AGAP1: variants seen among roughly 807,000 people sequenced by gnomAD.
AGAP1 encodes the protein ArfGAP with GTPase domain, ankyrin repeat and PH domain 1, also known as arf-GAP with GTPase, ANK repeat and PH domain-containing protein 1.
AGAP1 carries 29 observed loss-of-function variants against 105.3 expected under a neutral mutation model. The ratio of observed to expected loss-of-function variants is 0.28; its 90% CI spans 0.21 to 0.38. The LOEUF is 0.38. Among genes scored for constraint, AGAP1 ranks in the 10% least tolerant of loss-of-function variants. AGAP1 has a pLI of 1.00. For missense variants in AGAP1, 998 were observed against 1,165.1 expected, an observed-to-expected ratio of 0.86 and a Z score of 2.09; for synonymous variants, 509 against 485.9, an observed-to-expected ratio of 1.05 and a Z score of -0.63.
At position 236,038,897 on chromosome 2, in the gene AGAP1, T is replaced by G. The variant is rs1168104953; in HGVS notation, c.1801-1854T>G. Among the ~76,000 whole-genome samples the G allele has an allele frequency of 6.6e-6, 1 of 152,064 alleles. No homozygotes were observed. The highest frequency in any genetic ancestry group is 1.5e-5 in the Non-Finnish European group (1 of 68,012). On this transcript the variant is annotated intron_variant, in intron 14 of 17. Coordinates refer to ENST00000304032, the MANE Select transcript of AGAP1 (RefSeq NM_001037131.3). The surrounding 1 kb of genome is among the most constrained non-coding windows in gnomAD (Gnocchi z 4.5). Reference sequence around the variant, plus strand: ...GCCAGTGTAAACTGTTTAAACATATTTTGAATACTTGGGTATCTAACCAAA... The same window carrying G: ...GCCAGTGTAAACTGTTTAAACATATGTTGAATACTTGGGTATCTAACCAAA...
At chr2:236,057,767 A>C (rs185777731) in intron 16 of AGAP1, among the ~76,000 whole-genome samples, 2 of 152,312 alleles carry the variant, frequency 1.3e-5, no homozygotes, top group African/African-American at 4.8e-5. Flanking sequence ...AAAACAGGGT[A>C]ATTCCTCATT....
chr2:235,959,101 G>A lies in AGAP1; in HGVS notation c.1484-9361G>A, dbSNP rs6754527. On this transcript the variant is annotated intron_variant, in intron 12 of 17. Transcript: ENST00000304032. The surrounding 1 kb of genome is among the most constrained non-coding windows in gnomAD (Gnocchi z 7.3). ...CGGTTTAGATGTGGAGTAATGAGGC[G>A]CTCGCTTTTTTAATTTGGCATGGCT... 4.3e-4 allele frequency among the ~76,000 whole-genome samples: 66 copies of A among 152,264 alleles called. No individual in the cohort carries two copies. Among genetic ancestry groups the A allele is most frequent in the African/African-American group, 1.5e-3 (63 of 41,562 alleles).
At chr2:235,699,069 T>TCCCCCCC (rs5839607) in intron 1 of AGAP1, among the ~76,000 whole-genome samples, 3 of 140,392 alleles carry the variant, frequency 2.1e-5, no homozygotes. Context: ...GCATCAGACA[T>TCCCCCCC]CCCCCCCCCC....
chr2:235,756,325 C>G (rs180688233), intron 6 of AGAP1, among the ~76,000 whole-genome samples: 85 of 152,084 alleles, frequency 5.6e-4, no homozygotes, highest in African/African-American at 2.0e-3. Context: ...ATTCTTGAGC[C>G]AATGCACCCT....
At chr2:235,892,501 C>T (rs2050591252) in intron 10 of AGAP1, among the ~76,000 whole-genome samples, 1 of 151,728 alleles carries the variant, frequency 6.6e-6, no homozygotes, top group Non-Finnish European at 1.5e-5. Context: ...ACAGAAGACC[C>T]ACTTCTTTAC....
At chr2:236,007,064 G>A (rs1430201976) in intron 13 of AGAP1, among the ~76,000 whole-genome samples, 3 of 119,338 alleles carry the variant, frequency 2.5e-5, no homozygotes, top group Non-Finnish European at 3.4e-5. Context: ...TTTATGGGAG[G>A]AAATCTGTGA....
intron 1 of AGAP1, among the ~76,000 whole-genome samples, chr2:235,530,142 G>C (rs372313178): frequency 1.4e-4 from 22 of 152,158 alleles, no homozygotes; most frequent in African/African-American, 5.3e-4. Flanking sequence ...ACTACAAGAC[G>C]TGGGTCTTGG....
At chr2:235,911,229 T>C (rs6750562) in intron 11 of AGAP1, among the ~76,000 whole-genome samples, 5 of 152,016 alleles carry the variant, frequency 3.3e-5, no homozygotes, top group African/African-American at 4.8e-5. Context: ...TGTGCCTGAG[T>C]CACAGTTCCC....
chr2:235,670,228 G>T (rs1373757873), intron 1 of AGAP1: 2 of 568,766 alleles, frequency 3.5e-6, no homozygotes, highest in African/African-American at 3.9e-5. Context: ...AGCTGGCCGC[G>T]CCGGGCTCCG....
At position 235,883,467 on chromosome 2, in the gene AGAP1, G is replaced by A. The variant is rs754063583; in HGVS notation, c.1155+18G>A. 3.8e-5 allele frequency: 61 copies of A among 1,600,802 alleles called. No homozygotes were observed. The highest frequency in any genetic ancestry group is 4.7e-5 in the Non-Finnish European group (55 of 1,169,172). ...GTTTACATGTGAGTATAGCCCCCTC[G>A]GAGCAATTAACAGCTGCAGACCTCA... On this transcript the variant is annotated intron_variant, in intron 10 of 17. Transcript: ENST00000304032. This position sits in a 1 kb window ranked among gnomAD's most constrained non-coding sequence, Gnocchi z 4.5.
Position 235,934,292 on chromosome 2 carries a change from C to T in AGAP1, c.1483+3369C>T, listed in dbSNP as rs2052877638. ...GCTGTAAGTCCTCACTTCCCAAAGCCTGGTCCACGGACCAAGTGGCATTTG... is the reference window on the plus strand; with the variant it reads ...GCTGTAAGTCCTCACTTCCCAAAGCTTGGTCCACGGACCAAGTGGCATTTG... On this transcript the variant is annotated intron_variant, in intron 12 of 17. Coordinates refer to ENST00000304032, the MANE Select transcript of AGAP1 (RefSeq NM_001037131.3). The surrounding 1 kb of genome is among the most constrained non-coding windows in gnomAD (Gnocchi z 4.9). Among the ~76,000 whole-genome samples, 1 of 152,338 alleles carries T rather than the reference C, an allele frequency of 6.6e-6. No individual in the cohort carries two copies. The highest frequency in any genetic ancestry group is 2.1e-4 in the South Asian group (1 of 4,818).
intron 1 of AGAP1, among the ~76,000 whole-genome samples, chr2:235,497,410 AC>A (rs1315068739): frequency 6.6e-6 from 1 of 152,194 alleles, no homozygotes; most frequent in African/African-American, 2.4e-5. Context: ...TTAAAGTCTA[AC>A]TGTTTCCAAT....
At chr2:235,671,056 A>G in intron 1 of AGAP1, 1 of 1,269,454 alleles carries the variant, frequency 7.9e-7, no homozygotes. Flanking sequence ...CCCCGCGCAG[A>G]GGTGGGCAGC....
chr2:235,915,907 A>G (rs1440791112), intron 11 of AGAP1, among the ~76,000 whole-genome samples: 1 of 152,176 alleles, frequency 6.6e-6, no homozygotes, highest in African/African-American at 2.4e-5. Context: ...ATCTTAAAAC[A>G]CACCAAAAAT....
chr2:235,932,289 G>A (rs1341587595), intron 12 of AGAP1, among the ~76,000 whole-genome samples: 1 of 152,088 alleles, frequency 6.6e-6, no homozygotes, highest in Non-Finnish European at 1.5e-5. Context: ...CTGTTCAATG[G>A]ACACGTTCTC....
In AGAP1 at chr2:236,040,474, G is replaced by A. The variant is rs569289283; in HGVS notation, c.1801-277G>A. ...TTACCATGGTCCATGCGTATTCACA[G>A]ATGATCCAGAACTCTCCTCTTTGCT... On this transcript the variant is annotated intron_variant, in intron 14 of 17. Transcript: ENST00000304032. The surrounding 1 kb of genome is among the most constrained non-coding windows in gnomAD (Gnocchi z 5.6). 3.9e-6 allele frequency: 2 copies of A among 517,796 alleles called. No individual in the cohort carries two copies. Among genetic ancestry groups the A allele is most frequent in the African/African-American group, 1.9e-5 (1 of 52,438 alleles). The allele number at this position is 517,796 out of a possible 1,614,324, so 32.1% of individuals were successfully genotyped here.
chr2:235,746,546 CA>C (rs1952968977), intron 5 of AGAP1, among the ~76,000 whole-genome samples: 1 of 151,688 alleles, frequency 6.6e-6, no homozygotes, highest in Non-Finnish European at 1.5e-5. Flanking sequence ...CCGCACCACC[CA>C]AAAGTCCTTG....
rs141674899 is a variant in AGAP1 at position 235,610,951 on chromosome 2, G to C, written c.164-98228G>C. Among the ~76,000 whole-genome samples the C allele has an allele frequency of 8.5e-5, 13 of 152,146 alleles. No homozygotes were observed. Among genetic ancestry groups the C allele is most frequent in the Middle Eastern group, 6.8e-3 (2 of 292 alleles). On this transcript the variant is annotated intron_variant, in intron 1 of 17. Transcript: ENST00000304032. The surrounding 1 kb of genome is among the most constrained non-coding windows in gnomAD (Gnocchi z 4.9). ...GCCCCTCTGAAGAGCGGCCCAGTAG[G>C]ATGGTTGACTGACGTTAGCTTGGCT...
At chr2:235,651,265 A>G (rs1947582912) in intron 1 of AGAP1, among the ~76,000 whole-genome samples, 1 of 149,474 alleles carries the variant, frequency 6.7e-6, no homozygotes, top group African/African-American at 2.4e-5. Context: ...CCTGGTGGAC[A>G]AGGTGGGGAA....
Sources: gnomAD v4.1 joint callset for allele counts (sites outside exome capture counted in the v4.1 genomes callset) on GRCh38, gnomAD v4.1.1 for gene constraint, Gnocchi (gnomAD v3.1) non-coding constraint, MANE v1.5 for transcripts, NCBI Gene and HGNC (gene_info 2026-07-23, HGNC 2026-07-21) for gene names.